The following ZNRF3 variants were observed in gnomAD, a reference collection of about 807,000 sequenced individuals.
ZNRF3 encodes the protein zinc and ring finger 3.
Under a neutral mutation model 72.5 loss-of-function variants are expected in ZNRF3, and 23 were observed. The observed-to-expected ratio is 0.32, with a 90% CI of 0.23 to 0.45. The LOEUF (loss-of-function observed/expected upper bound fraction) is 0.45. Among genes scored for constraint, ZNRF3 ranks in the 20% least tolerant of loss-of-function variants. ZNRF3 has a pLI of 1.00. For missense variants in ZNRF3, 1,169 were observed against 1,272.1 expected (o/e 0.92, Z 1.23); for synonymous variants, 610 against 545.3 (o/e 1.12, Z -1.65).
chr22:28,927,380 C>G (rs1180343111), intron 1 of ZNRF3, among the ~76,000 whole-genome samples: 3 of 152,056 alleles, frequency 2.0e-5, no homozygotes, highest in African/African-American at 7.2e-5. Flanking sequence ...ACAGTGAAAC[C>G]CTGTCTCTAC....
chr22:29,019,477 A>G (rs1475315633), intron 2 of ZNRF3, among the ~76,000 whole-genome samples: 1 of 152,206 alleles, frequency 6.6e-6, no homozygotes, highest in Non-Finnish European at 1.5e-5. Flanking sequence ...CTGTTCCCAT[A>G]TGAAAGCTGA....
At position 28,883,643 on chromosome 22, in the gene ZNRF3, C is replaced by A. The variant is rs1417774755; in HGVS notation, c.-124C>A. The A allele has an allele frequency of 2.0e-5, 19 of 935,204 alleles. No homozygotes were observed. Among genetic ancestry groups the A allele is most frequent in the Non-Finnish European group, 2.2e-5 (17 of 783,808 alleles). 57.9% of individuals were successfully genotyped at this position (935,204 alleles called of 1,614,324 possible). A position where few individuals can be genotyped will look rare whatever the true frequency, so the allele number is the denominator to read the frequency against. ...CGGGGGAGCCGAGCTGAGCCTGCGA[C>A]CCACAAAGCCGCCGCCGCCGCCGCC... On this transcript the variant is annotated 5_prime_UTR_variant, in exon 1 of 9. Transcript: ENST00000544604. This position sits in a 1 kb window ranked among gnomAD's most constrained non-coding sequence, Gnocchi z 5.5.
chr22:29,026,925 A>G (rs1327466816), intron 2 of ZNRF3: 1 of 152,226 alleles, frequency 6.6e-6, no homozygotes, highest in Non-Finnish European at 1.5e-5. Context: ...CTCTTCAACA[A>G]GCGCTTTCCT....
intron 1 of ZNRF3, among the ~76,000 whole-genome samples, chr22:28,946,086 T>G (rs1170764425): frequency 1.3e-5 from 2 of 152,190 alleles, no homozygotes; most frequent in Non-Finnish European, 2.9e-5. Flanking sequence ...ATTTTCAGAT[T>G]AGGGATGCTC....
chr22:28,981,650 G>A (rs1418808226), intron 1 of ZNRF3, among the ~76,000 whole-genome samples: 2 of 152,138 alleles, frequency 1.3e-5, no homozygotes, highest in African/African-American at 2.4e-5. Context: ...TGGGCCATGC[G>A]GGGATATTCT....
intron 1 of ZNRF3, among the ~76,000 whole-genome samples, chr22:28,905,058 C>T (rs774732626): frequency 1.3e-5 from 2 of 151,930 alleles, no homozygotes; most frequent in Admixed American, 6.6e-5. Flanking sequence ...GCCTCAACCT[C>T]CCGAGTAGCT....
At chr22:28,940,579 C>T (rs1317340581) in intron 1 of ZNRF3, among the ~76,000 whole-genome samples, 1 of 148,164 alleles carries the variant, frequency 6.7e-6, no homozygotes, top group Non-Finnish European at 1.5e-5. Flanking sequence ...ACAGGTTCTT[C>T]TTCCATTCAC....
intron 2 of ZNRF3, among the ~76,000 whole-genome samples, chr22:29,032,992 G>T (rs553184404): frequency 1.7e-4 from 26 of 152,328 alleles, no homozygotes; most frequent in Non-Finnish European, 3.4e-4. Flanking sequence ...GCTCCTCATT[G>T]TTGGTCTCCT....
At chr22:29,004,157 G>A (rs1186092275) in intron 2 of ZNRF3, among the ~76,000 whole-genome samples, 2 of 152,260 alleles carry the variant, frequency 1.3e-5, no homozygotes, top group Non-Finnish European at 2.9e-5. Flanking sequence ...GCCCGGCTGA[G>A]AAGTGGGCTT....
intron 2 of ZNRF3, among the ~76,000 whole-genome samples, chr22:28,992,416 C>T (rs1407629603): frequency 4.6e-5 from 7 of 151,984 alleles, no homozygotes; most frequent in Admixed American, 4.6e-4. Flanking sequence ...GCCAGCGGCC[C>T]CCTCCTCAAC....
At chr22:28,968,519 G>T (rs1416010284) in intron 1 of ZNRF3, among the ~76,000 whole-genome samples, 3 of 152,120 alleles carry the variant, frequency 2.0e-5, no homozygotes, top group Non-Finnish European at 4.4e-5. Context: ...AGACCAGTCT[G>T]GCCAACATGG....
chr22:28,999,369 A>T (rs780242507), intron 2 of ZNRF3, among the ~76,000 whole-genome samples: 10 of 151,972 alleles, frequency 6.6e-5, no homozygotes, highest in African/African-American at 1.2e-4. Context: ...TTAGCTGGGC[A>T]TGGTTAGCTA....
At chr22:28,895,130 T>C (rs917650118) in intron 1 of ZNRF3, among the ~76,000 whole-genome samples, 1 of 152,144 alleles carries the variant, frequency 6.6e-6, no homozygotes, top group South Asian at 2.1e-4. Context: ...GCAAGTCTCT[T>C]TTCTCTCCTT....
In ZNRF3 at chr22:28,987,056, C is replaced by CT. The variant is rs1293051035; in HGVS notation, c.301-17dup. 1.3e-6 allele frequency: 2 copies of CT among 1,599,764 alleles called. No individual in the cohort carries two copies. The stretch of plus-strand genomic sequence containing the variant: ...TGTGTAGCTTGCCTGCTGAAGTTTT[C>CT]TTTCCATTTTATTTCCTAGATGCAC... On this transcript the variant is annotated intron_variant, in intron 1 of 8. Coordinates refer to ENST00000544604, the MANE Select transcript of ZNRF3 (RefSeq NM_001206998.2).
At chr22:29,036,773 T>C (rs928341434) in intron 2 of ZNRF3, among the ~76,000 whole-genome samples, 3 of 152,022 alleles carry the variant, frequency 2.0e-5, no homozygotes, top group African/African-American at 7.3e-5. Flanking sequence ...TTTTAAAAAC[T>C]GGAACAACCC....
chr22:29,025,013 G>C (rs939739468), intron 2 of ZNRF3: 1 of 119,666 alleles, frequency 8.4e-6, no homozygotes, highest in Admixed American at 1.2e-4. Flanking sequence ...ACAGAATCTC[G>C]CTCTGTCGCC....
chr22:28,908,429 T>G (rs2034252880), intron 1 of ZNRF3, among the ~76,000 whole-genome samples: 1 of 152,214 alleles, frequency 6.6e-6, no homozygotes, highest in African/African-American at 2.4e-5. Flanking sequence ...TTGGGCCGTG[T>G]GCAAGTCTCT....
intron 2 of ZNRF3, among the ~76,000 whole-genome samples, chr22:29,022,551 T>TA (rs1163942213): frequency 1.3e-5 from 2 of 152,170 alleles, no homozygotes; most frequent in African/African-American, 4.8e-5. Flanking sequence ...AGTACTCTGT[T>TA]AAAAACCTTG....
chr22:28,986,442 C>T (rs2035855887), intron 1 of ZNRF3, among the ~76,000 whole-genome samples: 1 of 152,180 alleles, frequency 6.6e-6, no homozygotes, highest in Non-Finnish European at 1.5e-5. Context: ...TCTGGTTTGA[C>T]TGCACTTTCA....
Sources: gnomAD v4.1 joint callset for allele counts (sites outside exome capture counted in the v4.1 genomes callset) on GRCh38, gnomAD v4.1.1 for gene constraint, Gnocchi (gnomAD v3.1) non-coding constraint, MANE v1.5 for transcripts, NCBI Gene and HGNC (gene_info 2026-07-23, HGNC 2026-07-21) for gene names.